DNAH3: variants seen among roughly 807,000 people sequenced by gnomAD.
DNAH3 encodes the protein axonemal beta dynein heavy chain 3.
In DNAH3, 332 loss-of-function variants were observed where a neutral mutation model predicts 432.5. The ratio of observed to expected loss-of-function variants is 0.77; its 90% CI spans 0.70 to 0.84. DNAH3 has a LOEUF of 0.84. Among genes scored for constraint, DNAH3 ranks in the 40% least tolerant of loss-of-function variants. The pLI, the probability that DNAH3 is intolerant of heterozygous loss-of-function variation, is 0.00. For missense variants in DNAH3, 4,861 were observed against 5,114.0 expected (o/e 0.95, Z 1.51); for synonymous variants, 1,956 against 1,900.2 (o/e 1.03, Z -0.76).
intron 19 of DNAH3, among the ~76,000 whole-genome samples, chr16:21,082,400 C>T (rs1236916359): frequency 6.6e-6 from 1 of 152,250 alleles, no homozygotes; most frequent in Admixed American, 6.5e-5. Context: ...TGGGGTCTCG[C>T]TATGTTTTCC....
intron 21 of DNAH3, 152 bp from the exon 22 acceptor site, chr16:21,070,978 G>A: frequency 3.6e-6 from 2 of 554,316 alleles, no homozygotes; most frequent in South Asian, 2.2e-5. Flanking sequence ...TCAAACTCCT[G>A]GGCTTAAGGG....
At chr16:20,998,683 G>T (rs1162185969) in intron 43 of DNAH3, among the ~76,000 whole-genome samples, 2 of 149,854 alleles carry the variant, frequency 1.3e-5, no homozygotes, top group Admixed American at 6.7e-5. Context: ...ATGAAATGGG[G>T]GCTCTTCGAG....
exon 55 of DNAH3, chr16:20,955,041 A>T: frequency 2.5e-6 from 4 of 1,609,270 alleles, no homozygotes; most frequent in Non-Finnish European, 3.4e-6. Flanking sequence ...TCTGATGGAT[A>T]GCTGGTTAGC....
Position 20,964,258 on chromosome 16 carries a change from AC to A in DNAH3, c.9625del (p.Val3209TrpfsTer16). The A allele has an allele frequency of 1.2e-6, 2 of 1,614,184 alleles. No individual in the cohort carries two copies. The highest frequency in any genetic ancestry group is 1.7e-6 in the Non-Finnish European group (2 of 1,180,044). On this transcript the variant is annotated frameshift_variant, in exon 53 of 62. Coordinates refer to ENST00000261383, the Ensembl canonical transcript of DNAH3. LOFTEE classifies it high-confidence loss of function. ...CAGCTCTGGCTTCTCCTTCGCAGCC[AC>A]GATGCCAAGGAGTTGATCTTGGAGA...
At chr16:20,988,819 G>C (rs775632665) in intron 44 of DNAH3, among the ~76,000 whole-genome samples, 2 of 152,122 alleles carry the variant, frequency 1.3e-5, no homozygotes, top group Non-Finnish European at 1.5e-5. Context: ...TCTGATGTTC[G>C]AATGTGTTCG....
At chr16:20,974,913 G>A (rs1272412732) in intron 51 of DNAH3, among the ~76,000 whole-genome samples, 1 of 151,304 alleles carries the variant, frequency 6.6e-6, no homozygotes, top group Admixed American at 6.6e-5. Flanking sequence ...CTGCCTCCCA[G>A]GTTCAAGCAA....
intron 43 of DNAH3, among the ~76,000 whole-genome samples, chr16:20,997,692 T>C (rs951430411): frequency 6.6e-6 from 1 of 151,990 alleles, no homozygotes; most frequent in Non-Finnish European, 1.5e-5. Context: ...TAAGGATGCA[T>C]AGACTGACAT....
intron 41 of DNAH3, 76 bp downstream of exon 41, chr16:21,019,546 GTC>G (rs2088041517): frequency 3.2e-6 from 5 of 1,546,780 alleles, no homozygotes; most frequent in Admixed American, 1.8e-5. Context: ...GGGCTCACCT[GTC>G]TGCACATTCT....
intron 41 of DNAH3, among the ~76,000 whole-genome samples, chr16:21,017,248 G>A (rs927613089): frequency 6.6e-6 from 1 of 152,152 alleles, no homozygotes; most frequent in Non-Finnish European, 1.5e-5. Flanking sequence ...CTGACTAATG[G>A]ATTGATACAG....
intron 41 of DNAH3, among the ~76,000 whole-genome samples, chr16:21,017,746 C>T (rs2087932784): frequency 6.6e-6 from 1 of 152,116 alleles, no homozygotes; most frequent in African/African-American, 2.4e-5. Flanking sequence ...TGACAGATGG[C>T]CATGTATCAA....
exon 13 of DNAH3, chr16:21,112,038 G>A (rs367815333): frequency 4.3e-5 from 70 of 1,613,642 alleles, no homozygotes; most frequent in Non-Finnish European, 5.2e-5. Context: ...GGAACGCAGC[G>A]ATGTTTTGCT....
chr16:21,000,615 C>T lies in DNAH3; in HGVS notation c.6127-97G>A, dbSNP rs2086972862. The stretch of plus-strand genomic sequence containing the variant: ...CTGGGTTTACATTCTAGCTCCATCC[C>T]TTACTATCTTTATGACCTTAGGCGA... On this transcript the variant is annotated intron_variant, in intron 42 of 61. Transcript: ENST00000261383. The T allele has an allele frequency of 4.5e-6, 5 of 1,117,052 alleles. No homozygotes were observed. In the South Asian group the frequency reaches 8.0e-5, roughly 18 times the overall value. The allele number at this position is 1,117,052 out of a possible 1,614,324, so 69.2% of individuals were successfully genotyped here. A position where few individuals can be genotyped will look rare whatever the true frequency, so the allele number is the denominator to read the frequency against.
At chr16:21,015,300 A>T (rs1040325105) in intron 41 of DNAH3, among the ~76,000 whole-genome samples, 1 of 152,228 alleles carries the variant, frequency 6.6e-6, no homozygotes, top group African/African-American at 2.4e-5. Context: ...AAGGCAGTCT[A>T]AAAATTTCAC....
chr16:20,959,019 C>T (rs1030856058), intron 54 of DNAH3, among the ~76,000 whole-genome samples, 160 bp downstream of exon 54: 7 of 152,174 alleles, frequency 4.6e-5, no homozygotes, highest in Admixed American at 3.9e-4. Flanking sequence ...CCACCCACCT[C>T]AGCTTTCCAA....
intron 51 of DNAH3, among the ~76,000 whole-genome samples, chr16:20,972,233 T>TC: frequency 6.8e-6 from 1 of 146,450 alleles, no homozygotes; most frequent in East Asian, 2.0e-4. Context: ...GATTTTTTTT[T>TC]CTCTCTTTTT....
chr16:21,153,555 C>A (rs141215075), intron 1 of DNAH3, among the ~76,000 whole-genome samples: 7 of 152,196 alleles, frequency 4.6e-5, no homozygotes, highest in African/African-American at 1.2e-4. Flanking sequence ...AGTGGCAAGC[C>A]GCTTGATCCC....
chr16:20,990,351 CTG>C lies in DNAH3; in HGVS notation c.6602-2288_6602-2287del, dbSNP rs551702975. 9.6e-4 allele frequency among the ~76,000 whole-genome samples: 146 copies of C among 152,280 alleles called. 2 individuals carry two copies. The highest frequency in any genetic ancestry group is 3.4e-3 in the Middle Eastern group (1 of 294). On this transcript the variant is annotated intron_variant, in intron 44 of 61. Transcript: ENST00000261383. ...TGTCTAATCTATAATTGTTAGATAT[CTG>C]TATTTATTTATATAGATATATACCA...
chr16:20,936,114 TA>T (rs1438699840), intron 60 of DNAH3, among the ~76,000 whole-genome samples: 2 of 152,086 alleles, frequency 1.3e-5, no homozygotes, highest in Non-Finnish European at 2.9e-5. Context: ...AAACCAAACA[TA>T]ATTATTGTCC....
At chr16:20,997,943 G>A (rs1264026696) in intron 43 of DNAH3, among the ~76,000 whole-genome samples, 1 of 152,100 alleles carries the variant, frequency 6.6e-6, no homozygotes, top group South Asian at 2.1e-4. Flanking sequence ...GGAGGCAGAG[G>A]TTGCAGTGAG....
Sources: gnomAD v4.1 joint callset for allele counts (sites outside exome capture counted in the v4.1 genomes callset) on GRCh38, gnomAD v4.1.1 for gene constraint, MANE v1.5 for transcripts, NCBI Gene and HGNC (gene_info 2026-07-23, HGNC 2026-07-21) for gene names.